The following ST3GAL1 variants were observed in gnomAD, a reference collection of about 807,000 sequenced individuals.
ST3GAL1 encodes the protein CMP-N-acetylneuraminate-beta-galactosamide-alpha-2,3-sialyltransferase 1.
Under a neutral mutation model 34.1 loss-of-function variants are expected in ST3GAL1, and 16 were observed. The observed-to-expected ratio is 0.47, with a 90% confidence interval of 0.32 to 0.71. The LOEUF is 0.71. Ranked by LOEUF, ST3GAL1 falls within the 30% of genes least tolerant of loss-of-function variation. The pLI is 0.04. For missense variants in ST3GAL1, 353 were observed against 447.4 expected, an observed-to-expected ratio of 0.79 and a Z score of 1.90; for synonymous variants, 191 against 184.7, an observed-to-expected ratio of 1.03 and a Z score of -0.28.
Position 133,570,587 on chromosome 8 carries a change from G to T in ST3GAL1, c.-582+1106C>A, listed in dbSNP as rs891789302. Among the ~76,000 whole-genome samples, 1 of 152,196 alleles carries T rather than the reference G, an allele frequency of 6.6e-6. No homozygotes were observed. Among genetic ancestry groups the T allele is most frequent in the African/African-American group, 2.4e-5 (1 of 41,458 alleles). ...GACGATCCCCACACGCTTCCTGGGA[G>T]ACCCGGCTGCAAGGCCAGGCTAATG... On this transcript the variant is annotated intron_variant, in intron 1 of 9. Transcript: ENST00000522652. This position sits in a 1 kb window ranked among gnomAD's most constrained non-coding sequence, Gnocchi z 5.6.
chr8:133,466,170 T>G lies in ST3GAL1; in HGVS notation c.307-80A>C. The G allele has an allele frequency of 7.0e-7, 1 of 1,433,442 alleles. No individual in the cohort carries two copies. Among genetic ancestry groups the G allele is most frequent in the Non-Finnish European group, 9.5e-7 (1 of 1,057,978 alleles). 88.8% of individuals were successfully genotyped at this position (1,433,442 alleles called of 1,614,324 possible). On this transcript the variant is annotated intron_variant, in intron 5 of 9. Coordinates refer to ENST00000522652, the MANE Select transcript of ST3GAL1 (RefSeq NM_173344.3). The surrounding 1 kb of genome is among the most constrained non-coding windows in gnomAD (Gnocchi z 4.4). ...GCAGCAGAGCCCCTGAGCTACCTGCTGTCGTTTACTGGGGCCCTCCTGTTC... is the reference window on the plus strand; with the variant it reads ...GCAGCAGAGCCCCTGAGCTACCTGCGGTCGTTTACTGGGGCCCTCCTGTTC...
chr8:133,512,185 A>C (rs1372146595), intron 2 of ST3GAL1, among the ~76,000 whole-genome samples: 1 of 152,246 alleles, frequency 6.6e-6, no homozygotes, highest in African/African-American at 2.4e-5. Context: ...GAACTTCAAA[A>C]GGATGGAAGC....
intron 1 of ST3GAL1, among the ~76,000 whole-genome samples, chr8:133,568,779 C>T (rs1819479970): frequency 6.6e-6 from 1 of 152,044 alleles, no homozygotes; most frequent in Admixed American, 6.5e-5. Context: ...CAACTGCCTG[C>T]CTTTGGGTGG....
chr8:133,567,268 A>G (rs1819430498), intron 1 of ST3GAL1: 1 of 152,358 alleles, frequency 6.6e-6, no homozygotes, highest in African/African-American at 2.4e-5. Context: ...ACAGCAAGGA[A>G]CAAGGACCGA....
intron 2 of ST3GAL1, among the ~76,000 whole-genome samples, chr8:133,535,674 G>A (rs1137295): frequency 0.27 from 40,624 of 151,838 alleles, 6,119 homozygotes; most frequent in East Asian, 0.47. Flanking sequence ...TTTTTGGTAG[G>A]GGGTGAATCT....
Position 133,541,096 on chromosome 8 carries a change from C to CATATATATAT in ST3GAL1, c.-429+4668_-429+4677dup, listed in dbSNP as rs780797700. Among the ~76,000 whole-genome samples, 17 of 37,202 alleles carry CATATATATAT rather than the reference C, an allele frequency of 4.6e-4. 1 individual carries two copies. The highest frequency in any genetic ancestry group is 2.9e-3 in the African/African-American group (17 of 5,926). 24.4% of individuals were successfully genotyped at this position (37,202 alleles called of 152,430 possible). A position where few individuals can be genotyped will look rare whatever the true frequency, so the allele number is the denominator to read the frequency against. On this transcript the variant is annotated intron_variant, in intron 2 of 9. Transcript: ENST00000522652. ...ATATATATAGACATATATATATAAA[C>CATATATATAT]ATATATATATATATATATATATATA... is the stretch of plus-strand genomic sequence containing the variant.
intron 3 of ST3GAL1, chr8:133,488,118 C>T (rs1323425783): frequency 6.6e-6 from 1 of 152,156 alleles, no homozygotes; most frequent in East Asian, 1.9e-4. Flanking sequence ...AGGCATGTGG[C>T]TTGCCCCTGT....
At chr8:133,541,922 C>T (rs539779762) in intron 2 of ST3GAL1, among the ~76,000 whole-genome samples, 194 of 152,260 alleles carry the variant, frequency 1.3e-3, no homozygotes, top group African/African-American at 4.6e-3. Flanking sequence ...AATGACTGTT[C>T]AGCATCATTC....
Position 133,464,847 on chromosome 8 carries a change from A to T in ST3GAL1, c.614T>A (p.Ile205Asn), listed in dbSNP as rs765154013. ...GTCGATGGTCTTGAAGGGCACCAGG[A>T]TCATGCTGACATTATCTCCCAGCTC... ...FRELGDNVSMILVPFKTIDLE... is the reference protein window; with the variant it reads ...FRELGDNVSMNLVPFKTIDLE... Residue 205 changes from isoleucine (I) to asparagine (N), a missense_variant, in exon 7 of 10, where the codon ATC becomes AAC. Physicochemically the swap from Ile to Asn is moderately radical, Grantham distance 149 (BLOSUM62 -3). Transcript: ENST00000522652. 3 of 1,614,092 alleles carry T rather than the reference A, an allele frequency of 1.9e-6. No homozygotes were observed. The South Asian group carries it at 3.3e-5, about 18-fold the overall frequency.
chr8:133,520,664 G>A (rs1411423503), intron 2 of ST3GAL1, among the ~76,000 whole-genome samples: 1 of 152,026 alleles, frequency 6.6e-6, no homozygotes, highest in African/African-American at 2.4e-5. Flanking sequence ...CTCAAAAAGT[G>A]CTCTTTCCTT....
In ST3GAL1 at chr8:133,455,516, GACAA is replaced by G. The variant is rs1342663235; in HGVS notation, c.*4244_*4247del. The G allele has an allele frequency of 1.3e-5, 2 of 152,208 alleles. No individual in the cohort carries two copies. Among genetic ancestry groups the G allele is most frequent in the Non-Finnish European group, 2.9e-5 (2 of 68,080 alleles). The allele number at this position is 152,208 out of a possible 1,614,324, so 9.4% of individuals were successfully genotyped here. On this transcript the variant is annotated 3_prime_UTR_variant, in exon 10 of 10. Transcript: ENST00000522652. The stretch of plus-strand genomic sequence containing the variant: ...GGGGTGCAGGAGCTGGTGTTTTCAT[GACAA>G]ACAAAAATGGGGAGGTTGACTCTAT...
At chr8:133,531,447 G>A (rs914751196) in intron 2 of ST3GAL1, among the ~76,000 whole-genome samples, 4 of 152,114 alleles carry the variant, frequency 2.6e-5, no homozygotes, top group Admixed American at 6.5e-5. Context: ...ATAATCCTAC[G>A]AGTAGCTACT....
chr8:133,548,945 A>C (rs551986890), intron 1 of ST3GAL1, among the ~76,000 whole-genome samples: 1 of 152,370 alleles, frequency 6.6e-6, no homozygotes, highest in South Asian at 2.1e-4. Context: ...CAGAGAATCC[A>C]TCAGGATGTG....
chr8:133,504,597 A>T (rs1487667524), intron 2 of ST3GAL1, among the ~76,000 whole-genome samples: 1 of 152,148 alleles, frequency 6.6e-6, no homozygotes, highest in Non-Finnish European at 1.5e-5. Flanking sequence ...TTTTCCCCCA[A>T]GTCCTGAGAT....
rs561644731 is a variant in ST3GAL1, at chr8:133,494,889, C to T, written c.-374+4246G>A. Among the ~76,000 whole-genome samples the T allele has an allele frequency of 4.7e-5, 7 of 149,494 alleles. No homozygotes were observed. In the South Asian group the frequency reaches 8.6e-4, roughly 18 times the overall value. The stretch of plus-strand genomic sequence containing the variant: ...ACTGTCCCTGAACCATGATGTGTAT[C>T]GGCCTCTGCGTTTTTCCTCTATTCT... On this transcript the variant is annotated intron_variant, in intron 3 of 9. Transcript: ENST00000522652.
chr8:133,468,836 C>G (rs1310688539), intron 5 of ST3GAL1, among the ~76,000 whole-genome samples: 1 of 152,174 alleles, frequency 6.6e-6, no homozygotes, highest in Non-Finnish European at 1.5e-5. Flanking sequence ...GCTGCCAGGG[C>G]TGGTGGGGGG....
rs1273844543 is a variant in ST3GAL1 at position 133,566,090 on chromosome 8, G to GC, written c.-582+5602dup. ...CTGGGCACCCCGACCATCTTATGCTGCCCCCCACCTCCCCTGTGTGTCTCT... is the reference window on the plus strand; with the variant it reads ...CTGGGCACCCCGACCATCTTATGCTGCCCCCCCACCTCCCCTGTGTGTCTCT... On this transcript the variant is annotated intron_variant, in intron 1 of 9. Transcript: ENST00000522652. 1.3e-4 allele frequency among the ~76,000 whole-genome samples: 20 copies of GC among 152,254 alleles called. No individual in the cohort carries two copies. The East Asian group carries it at 3.7e-3, about 28-fold the overall frequency.
At chr8:133,463,957 C>T (rs988911872) in intron 7 of ST3GAL1, among the ~76,000 whole-genome samples, 1 of 149,212 alleles carries the variant, frequency 6.7e-6, no homozygotes, top group African/African-American at 2.5e-5. Flanking sequence ...CTGGGTCCCA[C>T]CCCACCCCAC....
Position 133,556,337 on chromosome 8 carries a change from C to T in ST3GAL1, c.-581-10411G>A, listed in dbSNP as rs548383112. ...CTGATCAACAGCAGGCCTGGTGACT[C>T]CAGAGCCTGTCTTCTCCCCCTGGCC... On this transcript the variant is annotated intron_variant, in intron 1 of 9. Coordinates refer to ENST00000522652, the MANE Select transcript of ST3GAL1 (RefSeq NM_173344.3). This position sits in a 1 kb window ranked among gnomAD's most constrained non-coding sequence, Gnocchi z 8.9. Among the ~76,000 whole-genome samples the T allele has an allele frequency of 5.9e-5, 9 of 152,328 alleles. No homozygotes were observed. The South Asian group carries it at 1.9e-3, about 32-fold the overall frequency.
Sources: gnomAD v4.1 joint callset for allele counts (sites outside exome capture counted in the v4.1 genomes callset) on GRCh38, gnomAD v4.1.1 for gene constraint, Gnocchi (gnomAD v3.1) non-coding constraint, MANE v1.5 for transcripts, NCBI Gene and HGNC (gene_info 2026-07-23, HGNC 2026-07-21) for gene names.